The following DICER1 variants were observed in gnomAD, a reference collection of about 807,000 sequenced individuals.
The protein encoded by DICER1 is dicer 1, ribonuclease III.
A neutral mutation model predicts 194.1 loss-of-function variants in DICER1; 43 were observed. The observed-to-expected ratio is 0.22, with a 90% confidence interval of 0.17 to 0.29. The LOEUF (loss-of-function observed/expected upper bound fraction) is 0.29, where lower values mean the gene tolerates loss of function less well. Ranked by LOEUF, DICER1 falls within the 10% of genes least tolerant of loss-of-function variation. The pLI is 1.00. For missense variants in DICER1, 1,608 were observed against 2,317.0 expected, an observed-to-expected ratio of 0.69 and a Z score of 6.28; for synonymous variants, 832 against 820.5, an observed-to-expected ratio of 1.01 and a Z score of -0.24.
chr14:95,109,776 C>T (rs2140049239), intron 14 of DICER1, among the ~76,000 whole-genome samples: 2 of 152,306 alleles, frequency 1.3e-5, no homozygotes, highest in African/African-American at 4.8e-5. Flanking sequence ...CATACAGGCA[C>T]AGCAGTCCCC....
chr14:95,122,891 C>T (rs533574254), intron 8 of DICER1, among the ~76,000 whole-genome samples: 1 of 152,032 alleles, frequency 6.6e-6, no homozygotes, highest in South Asian at 2.1e-4. Flanking sequence ...TTTTAAAACC[C>T]CTAAACATTC....
intron 1 of DICER1, chr14:95,136,715 C>T (rs1026589701): frequency 1.3e-5 from 2 of 152,172 alleles, no homozygotes; most frequent in African/African-American, 2.4e-5. Flanking sequence ...TCTTTCTTTC[C>T]CTCTAAAGAT....
At chr14:95,114,404 C>T (rs1208361492) in intron 11 of DICER1, among the ~76,000 whole-genome samples, 2 of 151,994 alleles carry the variant, frequency 1.3e-5, no homozygotes, top group Admixed American at 6.5e-5. Context: ...TTAAATAAAA[C>T]AGGAGTCCAT....
rs537218253 is a variant in DICER1, at chr14:95,111,072, G to T, written c.2256+245C>A. Among the ~76,000 whole-genome samples, 163 of 152,212 alleles carry T rather than the reference G, an allele frequency of 1.1e-3. 1 individual carries two copies. Among genetic ancestry groups the T allele is most frequent in the Non-Finnish European group, 2.0e-3 (133 of 68,000 alleles). ...CATTCTGGATAGAATATGACAGATG[G>T]GTCCAAGAATCCTTTTGAGAAGAAA... On this transcript the variant is annotated intron_variant, in intron 14 of 26. Transcript: ENST00000343455.
chr14:95,141,355 G>A (rs1325441588), intron 1 of DICER1, among the ~76,000 whole-genome samples: 1 of 152,126 alleles, frequency 6.6e-6, no homozygotes, highest in African/African-American at 2.4e-5. Flanking sequence ...TTAAATTTGG[G>A]GTGGCTCTCT....
At chr14:95,095,770 G>C in intron 23 of DICER1, 55 bp downstream of exon 23, 2 of 1,587,890 alleles carry the variant, frequency 1.3e-6, no homozygotes, top group South Asian at 1.1e-5. Flanking sequence ...AACACGATGA[G>C]ATCAACACAA....
chr14:95,141,659 C>T (rs1292788147), intron 1 of DICER1: 1 of 152,198 alleles, frequency 6.6e-6, no homozygotes, highest in Non-Finnish European at 1.5e-5. Flanking sequence ...AACCTTATCA[C>T]TACTTTGGCA....
Position 95,111,367 on chromosome 14 carries a change from C to T in DICER1, c.2206G>A (p.Val736Ile), listed in dbSNP as rs2140067435. The change falls in exon 14 of 27, where the codon GTT (valine) becomes ATT (isoleucine). Residue 736 changes from valine to isoleucine, a missense_variant. Transcript: ENST00000343455. ...LDLHDEEETS[V>I]PGRPGSTKRR... ...TTCGTGGAACCTGGTCTTCCTGGAA[C>T]ACTGGTCTCTTCTTCATCATGCAAA... The T allele has an allele frequency of 6.2e-7, 1 of 1,614,208 alleles. No individual in the cohort carries two copies. Among genetic ancestry groups the T allele is most frequent in the East Asian group, 2.2e-5 (1 of 44,884 alleles).
Position 95,147,158 on chromosome 14 carries a change from T to C in DICER1, c.-46+10072A>G, listed in dbSNP as rs75078971. Among the ~76,000 whole-genome samples, 118 of 152,294 alleles carry C rather than the reference T, an allele frequency of 7.7e-4. 2 individuals carry two copies. The East Asian group carries it at 0.02, about 26-fold the overall frequency. On this transcript the variant is annotated intron_variant, in intron 1 of 26. Coordinates refer to ENST00000343455, the MANE Select transcript of DICER1 (RefSeq NM_177438.3). Reference sequence around the variant, plus strand: ...GATAAGCTAGAGACATACAATTCTGTTTTAGGTATTGAAAACATCCTCCCA... The same window carrying C: ...GATAAGCTAGAGACATACAATTCTGCTTTAGGTATTGAAAACATCCTCCCA...
intron 4 of DICER1, among the ~76,000 whole-genome samples, chr14:95,130,661 T>C (rs1046273852): frequency 1.3e-5 from 2 of 152,348 alleles, no homozygotes; most frequent in Non-Finnish European, 2.9e-5. Context: ...TGAAGCACAC[T>C]AGTAGGCTGG....
At chr14:95,146,551 T>A (rs1283264293) in intron 1 of DICER1, among the ~76,000 whole-genome samples, 3 of 152,228 alleles carry the variant, frequency 2.0e-5, no homozygotes, top group African/African-American at 7.2e-5. Context: ...AAAATTTACG[T>A]CTGCCTTCCT....
At chr14:95,104,996 T>C (rs1226425519) in intron 20 of DICER1, 75 bp downstream of exon 20, 13 of 1,398,140 alleles carry the variant, frequency 9.3e-6, no homozygotes, top group Non-Finnish European at 1.0e-6. Context: ...TTATATACAA[T>C]TTTAACTTAA....
chr14:95,125,932 G>T (rs973789671), intron 7 of DICER1, among the ~76,000 whole-genome samples: 1 of 152,140 alleles, frequency 6.6e-6, no homozygotes, highest in Non-Finnish European at 1.5e-5. Context: ...GGGCACTGCT[G>T]CTCGAGAAGA....
At chr14:95,115,154 A>G (rs966007937) in intron 11 of DICER1, among the ~76,000 whole-genome samples, 2 of 152,366 alleles carry the variant, frequency 1.3e-5, no homozygotes, top group South Asian at 2.1e-4. Flanking sequence ...GGTTACAAAG[A>G]AAATCTTATA....
At position 95,131,970 on chromosome 14, in the gene DICER1, T is replaced by C. The variant is rs552380220; in HGVS notation, c.308-331A>G. 7.2e-5 allele frequency among the ~76,000 whole-genome samples: 11 copies of C among 152,318 alleles called. No individual in the cohort carries two copies. The South Asian group carries it at 8.3e-4, about 11-fold the overall frequency. ...CAGTCTAACATGTATTTAAAGCAGA[T>C]AGTTATACTGAGACAACCTAAAAAA... On this transcript the variant is annotated intron_variant, in intron 3 of 26. Coordinates refer to ENST00000343455, the MANE Select transcript of DICER1 (RefSeq NM_177438.3).
chr14:95,090,214 C>T lies in DICER1; in HGVS notation c.*284G>A, dbSNP rs1353284110. 4.3e-6 allele frequency: 2 copies of T among 468,748 alleles called. No homozygotes were observed. Among genetic ancestry groups the T allele is most frequent in the Admixed American group, 3.7e-5 (1 of 27,096 alleles). The allele number at this position is 468,748 out of a possible 1,614,324, so 29.0% of individuals were successfully genotyped here. On this transcript the variant is annotated 3_prime_UTR_variant, in exon 27 of 27. Coordinates refer to ENST00000343455, the MANE Select transcript of DICER1 (RefSeq NM_177438.3). ...ACCTGTCAATTATTTTGAGCACTTG[C>T]TAAATGTCATCATTAAAGCACTCTT...
Position 95,089,211 on chromosome 14 carries a change from T to C in DICER1, c.*1287A>G. On this transcript the variant is annotated 3_prime_UTR_variant, in exon 27 of 27. Transcript: ENST00000343455. ...AAATGCCTAAAGAAGTTTTTTTTTT[T>C]TTCCTTTTCCAAAGATGGAAATAAT... is the stretch of plus-strand genomic sequence containing the variant. The C allele has an allele frequency of 4.3e-6, 1 of 233,018 alleles. No individual in the cohort carries two copies. Among genetic ancestry groups the C allele is most frequent in the Non-Finnish European group, 8.5e-6 (1 of 118,030 alleles). The allele number at this position is 233,018 out of a possible 1,614,324, so 14.4% of individuals were successfully genotyped here. A position where few individuals can be genotyped will look rare whatever the true frequency, so the allele number is the denominator to read the frequency against.
At position 95,103,901 on chromosome 14, in the gene DICER1, G is replaced by A. The variant is rs372581591; in HGVS notation, c.3495C>T (p.His1165=). ...CTGTAAGATCTGCTGAAACTTCAAC[G>A]TGGAGCTTACCAGGGGACTCGCTGA... ...TLLSESPGKL[H]VEVSADLTAI... Residue 1165 remains histidine (H), a synonymous_variant, in exon 21 of 27, where the codon CAC becomes CAT. Transcript: ENST00000343455. 51 of 1,614,028 alleles carry A rather than the reference G, an allele frequency of 3.2e-5. No homozygotes were observed. Among genetic ancestry groups the A allele is most frequent in the Middle Eastern group, 1.6e-4 (1 of 6,084 alleles).
chr14:95,088,553 C>A lies in DICER1; in HGVS notation c.*1945G>T, dbSNP rs1249226804. The A allele has an allele frequency of 8.6e-6, 2 of 231,982 alleles. No individual in the cohort carries two copies. The highest frequency in any genetic ancestry group is 2.2e-5 in the African/African-American group (1 of 45,244). The allele number at this position is 231,982 out of a possible 1,614,324, so 14.4% of individuals were successfully genotyped here. On this transcript the variant is annotated 3_prime_UTR_variant, in exon 27 of 27. Transcript: ENST00000343455. Reference sequence around the variant, plus strand: ...ATTGCTTTGTTTTAACTGGTCATATCTTACATTAAGGTTTTTTAAAAAATC... The same window carrying A: ...ATTGCTTTGTTTTAACTGGTCATATATTACATTAAGGTTTTTTAAAAAATC...
Sources: allele counts gnomAD v4.1 joint callset (sites outside exome capture counted in the v4.1 genomes callset), GRCh38; gene constraint gnomAD v4.1.1; transcripts MANE v1.5; gene names NCBI Gene and HGNC (gene_info 2026-07-23, HGNC 2026-07-21).